Variants in GALNT17 observed in about 807,000 individuals in gnomAD.
GALNT17 encodes the protein polypeptide N-acetylgalactosaminyltransferase 17, also known as UDP-GalNAc:polypeptide N-acetylgalactosaminyltransferase-like 3.
A neutral mutation model predicts 63.7 loss-of-function variants in GALNT17; 29 were observed. The observed-to-expected ratio is 0.46, with a 90% CI of 0.34 to 0.62. The LOEUF (loss-of-function observed/expected upper bound fraction) is 0.62, where lower values mean the gene tolerates loss of function less well. GALNT17 is among the 20% of genes least tolerant of loss of function. The pLI, the probability that GALNT17 is intolerant of heterozygous loss-of-function variation, is 0.01. For missense variants in GALNT17, 603 were observed against 799.6 expected (o/e 0.75, Z 2.97); for synonymous variants, 305 against 318.3 (o/e 0.96, Z 0.45).
chr7:71,217,201 T>C (rs1789500700), intron 1 of GALNT17, among the ~76,000 whole-genome samples: 1 of 150,914 alleles, frequency 6.6e-6, no homozygotes, highest in Non-Finnish European at 1.5e-5. Flanking sequence ...AGGCTGGTCT[T>C]GAACTCCCAT....
intron 5 of GALNT17, among the ~76,000 whole-genome samples, chr7:71,562,199 A>T (rs1260480728): frequency 6.6e-6 from 1 of 152,066 alleles, no homozygotes; most frequent in African/African-American, 2.4e-5. Context: ...TCCTGGACTC[A>T]AGCAATCCTC....
intron 2 of GALNT17, among the ~76,000 whole-genome samples, chr7:71,336,207 G>A (rs1791903934): frequency 6.6e-6 from 1 of 151,758 alleles, no homozygotes; most frequent in African/African-American, 2.4e-5. Context: ...CACCACACCT[G>A]GCTAATTTTG....
rs142557098 is a variant in GALNT17 at position 71,679,497 on chromosome 7, C to T, written c.1500+2191C>T. ...ATGCTAGGCACCACTGTAACACAGG[C>T]AGCTGGTATGATGCAGTCTTTGCTC... On this transcript the variant is annotated intron_variant, in intron 9 of 10. Coordinates refer to ENST00000333538, the MANE Select transcript of GALNT17 (RefSeq NM_022479.3). 3.2e-3 allele frequency among the ~76,000 whole-genome samples: 486 copies of T among 152,318 alleles called. 1 individual carries two copies. The highest frequency in any genetic ancestry group is 0.011 in the African/African-American group (464 of 41,574).
intron 5 of GALNT17, among the ~76,000 whole-genome samples, chr7:71,520,994 G>A (rs1788521237): frequency 6.6e-6 from 1 of 152,204 alleles, no homozygotes; most frequent in Non-Finnish European, 1.5e-5. Flanking sequence ...ACTGTCAGAA[G>A]TGCAAAGCTG....
chr7:71,294,913 CCT>C (rs752605459), intron 1 of GALNT17, among the ~76,000 whole-genome samples: 24 of 152,198 alleles, frequency 1.6e-4, no homozygotes, highest in African/African-American at 5.5e-4. Context: ...CATTTAATCC[CCT>C]CTCTCCTGAT....
chr7:71,345,147 G>GTTTTT (rs67919212), intron 2 of GALNT17, among the ~76,000 whole-genome samples: 7 of 139,440 alleles, frequency 5.0e-5, no homozygotes, highest in Non-Finnish European at 6.3e-5. Flanking sequence ...GTTGTTTTTT[G>GTTTTT]TTTTTTTTTT....
intron 6 of GALNT17, among the ~76,000 whole-genome samples, chr7:71,625,208 G>A (rs1466801781): frequency 6.6e-6 from 1 of 151,938 alleles, no homozygotes; most frequent in Non-Finnish European, 1.5e-5. Flanking sequence ...GCAATAGCAC[G>A]ATCTCGGCTC....
At chr7:71,614,223 T>C (rs1375112080) in intron 6 of GALNT17, among the ~76,000 whole-genome samples, 2 of 152,026 alleles carry the variant, frequency 1.3e-5, no homozygotes, top group African/African-American at 4.8e-5. Flanking sequence ...AGGGAGCAGG[T>C]TGGGTATCTC....
At chr7:71,707,101 G>A (rs1454475093) in intron 9 of GALNT17, among the ~76,000 whole-genome samples, 1 of 152,202 alleles carries the variant, frequency 6.6e-6, no homozygotes, top group Non-Finnish European at 1.5e-5. Context: ...ATCTTGCAGA[G>A]TTGTTGGGAA....
chr7:71,635,141 A>G (rs1790510704), intron 6 of GALNT17, among the ~76,000 whole-genome samples: 1 of 144,190 alleles, frequency 6.9e-6, no homozygotes, highest in South Asian at 2.2e-4. Context: ...CGGGAGGCAG[A>G]GGTTGCAGTG....
intron 5 of GALNT17, among the ~76,000 whole-genome samples, chr7:71,426,367 C>G (rs1313351719): frequency 6.6e-6 from 1 of 152,230 alleles, no homozygotes; most frequent in Non-Finnish European, 1.5e-5. Flanking sequence ...TGACCCAGCT[C>G]TTGCCTCTGT....
chr7:71,347,757 C>A (rs977809554), intron 2 of GALNT17, among the ~76,000 whole-genome samples: 4 of 151,964 alleles, frequency 2.6e-5, no homozygotes, highest in African/African-American at 4.8e-5. Flanking sequence ...CTGTGGATTC[C>A]CCACAGCCAA....
intron 5 of GALNT17, among the ~76,000 whole-genome samples, chr7:71,501,849 C>G (rs1444798111): frequency 1.3e-5 from 2 of 152,158 alleles, no homozygotes; most frequent in Non-Finnish European, 2.9e-5. Flanking sequence ...ACAGAGGAAG[C>G]AGGAGCCATC....
intron 2 of GALNT17, among the ~76,000 whole-genome samples, chr7:71,364,203 A>C (rs999113527): frequency 3.3e-5 from 5 of 152,074 alleles, no homozygotes; most frequent in African/African-American, 1.2e-4. Flanking sequence ...TATCATTCTT[A>C]TTAGGCTAAA....
At chr7:71,641,509 C>T (rs1055085541) in intron 6 of GALNT17, among the ~76,000 whole-genome samples, 1 of 152,020 alleles carries the variant, frequency 6.6e-6, no homozygotes, top group African/African-American at 2.4e-5. Context: ...CTGGTAAGGG[C>T]CCACTTTCTG....
intron 1 of GALNT17, among the ~76,000 whole-genome samples, chr7:71,229,586 G>A (rs1023345205): frequency 1.3e-5 from 2 of 152,188 alleles, no homozygotes; most frequent in Non-Finnish European, 2.9e-5. Context: ...AGGGACACTT[G>A]TGATCCATTT....
At chr7:71,609,483 C>A (rs1405214403) in intron 6 of GALNT17, among the ~76,000 whole-genome samples, 1 of 152,054 alleles carries the variant, frequency 6.6e-6, no homozygotes, top group Non-Finnish European at 1.5e-5. Flanking sequence ...TAACTCACAG[C>A]AAACTGAGAA....
At chr7:71,514,996 C>T (rs1048525172) in intron 5 of GALNT17, among the ~76,000 whole-genome samples, 5 of 152,178 alleles carry the variant, frequency 3.3e-5, no homozygotes, top group African/African-American at 1.2e-4. Context: ...AGGGGTTTCC[C>T]TTTTCGCTTG....
chr7:71,616,497 AAT>A (rs1790205796), intron 6 of GALNT17, among the ~76,000 whole-genome samples: 1 of 147,464 alleles, frequency 6.8e-6, no homozygotes, highest in South Asian at 2.1e-4. Context: ...ACTAATAACT[AAT>A]ATATAAATAT....
Sources: allele counts gnomAD v4.1 joint callset (sites outside exome capture counted in the v4.1 genomes callset), GRCh38; gene constraint gnomAD v4.1.1; transcripts MANE v1.5; gene names NCBI Gene and HGNC (gene_info 2026-07-23, HGNC 2026-07-21).